KCNMA1: variants seen among roughly 807,000 people sequenced by gnomAD.
KCNMA1 encodes the protein potassium calcium-activated channel subfamily M alpha 1.
In KCNMA1, 29 loss-of-function variants were observed where a neutral mutation model predicts 140.0. The ratio of observed to expected loss-of-function variants is 0.21; its 90% CI spans 0.15 to 0.28. The LOEUF (loss-of-function observed/expected upper bound fraction) is 0.28, where lower values mean the gene tolerates loss of function less well. KCNMA1 is among the 10% of genes least tolerant of loss of function. KCNMA1 has a pLI of 1.00. For synonymous variants in KCNMA1, 612 were observed against 611.9 expected (o/e 1.00, Z 0.00); for missense variants, 880 against 1,602.2 (o/e 0.55, Z 7.70).
intron 1 of KCNMA1, among the ~76,000 whole-genome samples, chr10:77,438,803 C>T (rs1307399999): frequency 6.6e-6 from 1 of 151,984 alleles, no homozygotes; most frequent in East Asian, 1.9e-4. Context: ...TGTAGTGGCC[C>T]AGGTGGCTCA....
At chr10:77,496,374 ATCACAAGG>A (rs1186123856) in intron 1 of KCNMA1, among the ~76,000 whole-genome samples, 5 of 152,148 alleles carry the variant, frequency 3.3e-5, no homozygotes, top group Non-Finnish European at 7.4e-5. Flanking sequence ...AGATGGGCAT[ATCACAAGG>A]TCAGGAGATC....
At chr10:77,292,163 G>A (rs1226760868) in intron 2 of KCNMA1, among the ~76,000 whole-genome samples, 1 of 152,142 alleles carries the variant, frequency 6.6e-6, no homozygotes, top group Non-Finnish European at 1.5e-5. Flanking sequence ...TCTGGGCAGG[G>A]CAGCAGAGAT....
chr10:76,904,838 G>T (rs1421216655), intron 25 of KCNMA1: 1 of 152,428 alleles, frequency 6.6e-6, no homozygotes, highest in Admixed American at 6.5e-5. Context: ...ACATTGCAAT[G>T]CAGACACATA....
intron 3 of KCNMA1, among the ~76,000 whole-genome samples, chr10:77,225,680 A>G (rs1250047527): frequency 6.6e-6 from 1 of 152,146 alleles, no homozygotes; most frequent in African/African-American, 2.4e-5. Context: ...TGCCACCACC[A>G]CTGAAGAGGC....
intron 3 of KCNMA1, among the ~76,000 whole-genome samples, chr10:77,235,553 T>C (rs903184711): frequency 1.3e-5 from 2 of 152,170 alleles, no homozygotes; most frequent in Non-Finnish European, 2.9e-5. Context: ...CAAGCATACA[T>C]CCAGGCTGAC....
At chr10:77,014,782 A>G (rs1250823273) in intron 17 of KCNMA1, among the ~76,000 whole-genome samples, 1 of 152,204 alleles carries the variant, frequency 6.6e-6, no homozygotes, top group Non-Finnish European at 1.5e-5. Flanking sequence ...GATCTGGAGC[A>G]GGCAGAGTAT....
chr10:77,385,901 TGAG>T (rs2095584923), intron 2 of KCNMA1, among the ~76,000 whole-genome samples: 1 of 151,904 alleles, frequency 6.6e-6, no homozygotes, highest in Non-Finnish European at 1.5e-5. Context: ...ATGGGACAAA[TGAG>T]GAGAGTGACA....
intron 5 of KCNMA1, among the ~76,000 whole-genome samples, chr10:77,152,164 A>G (rs1238643637): frequency 6.6e-6 from 1 of 152,198 alleles, no homozygotes; most frequent in African/African-American, 2.4e-5. Flanking sequence ...CAAGGGGTAC[A>G]TAGCAGGTGC....
intron 1 of KCNMA1, among the ~76,000 whole-genome samples, chr10:77,606,878 G>A (rs1412434430): frequency 6.6e-6 from 1 of 152,140 alleles, no homozygotes; most frequent in African/African-American, 2.4e-5. Context: ...CTCTGGGGAA[G>A]CCAACAACCC....
intron 2 of KCNMA1, among the ~76,000 whole-genome samples, chr10:77,262,792 G>A (rs750159892): frequency 6.6e-6 from 1 of 152,032 alleles, no homozygotes; most frequent in Non-Finnish European, 1.5e-5. Context: ...AAGCCAAGCA[G>A]AAGTGGGTGC....
intron 6 of KCNMA1, among the ~76,000 whole-genome samples, chr10:77,116,218 T>C (rs2097461141): frequency 6.6e-6 from 1 of 152,216 alleles, no homozygotes; most frequent in African/African-American, 2.4e-5. Context: ...ATGTTGCCTA[T>C]ACAATTCCTG....
chr10:76,953,823 T>C lies in KCNMA1; in HGVS notation c.2462A>G (p.Lys821Arg). ...CACCAGGATGACTTTCTCTATCTCC[T>C]TGGGTGCACACCAGTGAAACATCCC... The part of the protein sequence containing the change: ...STGMFHWCAP[K>R]EIEKVILTRS... Residue 821 changes from lysine to arginine, a missense_variant, in exon 21 of 28, where the codon AAG becomes AGG. Lys to Arg is a conservative substitution (Grantham distance 26). Transcript: ENST00000286628. 1 of 1,614,108 alleles carries C rather than the reference T, an allele frequency of 6.2e-7. No homozygotes were observed.
At chr10:77,528,965 C>T (rs1328240698) in intron 1 of KCNMA1, among the ~76,000 whole-genome samples, 2 of 152,100 alleles carry the variant, frequency 1.3e-5, no homozygotes, top group African/African-American at 2.4e-5. Flanking sequence ...CCCCATTGGT[C>T]CAGGGTTTCC....
chr10:76,993,946 A>G (rs2083489539), intron 19 of KCNMA1, among the ~76,000 whole-genome samples: 1 of 152,182 alleles, frequency 6.6e-6, no homozygotes, highest in South Asian at 2.1e-4. Flanking sequence ...CATTATCTCG[A>G]GGTTTCATTA....
chr10:77,095,827 A>G (rs746010705), intron 9 of KCNMA1, among the ~76,000 whole-genome samples: 4 of 152,184 alleles, frequency 2.6e-5, no homozygotes, highest in Non-Finnish European at 4.4e-5. Flanking sequence ...ACAGGTACAC[A>G]GGACAACCTA....
intron 1 of KCNMA1, among the ~76,000 whole-genome samples, chr10:77,535,191 C>T (rs1032382485): frequency 1.3e-4 from 20 of 152,190 alleles, no homozygotes; most frequent in African/African-American, 2.9e-4. Flanking sequence ...TCCAGAAGGA[C>T]GCTCTAACAT....
At chr10:77,611,433 C>G (rs1007925711) in intron 1 of KCNMA1, among the ~76,000 whole-genome samples, 1 of 152,130 alleles carries the variant, frequency 6.6e-6, no homozygotes, top group Non-Finnish European at 1.5e-5. Flanking sequence ...ATGGAGACAT[C>G]GTTGAGCCAC....
intron 1 of KCNMA1, among the ~76,000 whole-genome samples, chr10:77,474,095 T>C (rs1202429001): frequency 1.3e-5 from 2 of 152,148 alleles, no homozygotes; most frequent in African/African-American, 4.8e-5. Context: ...GCCTACATTC[T>C]CCCTTGATCA....
intron 1 of KCNMA1, among the ~76,000 whole-genome samples, chr10:77,444,827 C>T (rs145178297): frequency 1.6e-3 from 244 of 152,266 alleles, no homozygotes; most frequent in African/African-American, 5.4e-3. Flanking sequence ...AAAACACACC[C>T]AAGAGTTACC....
Sources: allele counts gnomAD v4.1 joint callset (sites outside exome capture counted in the v4.1 genomes callset), GRCh38; gene constraint gnomAD v4.1.1; transcripts MANE v1.5; gene names NCBI Gene and HGNC (gene_info 2026-07-23, HGNC 2026-07-21).